The following FSTL4 variants were observed in gnomAD, a reference collection of about 807,000 sequenced individuals.
The protein encoded by FSTL4 is follistatin-related protein 4.
In FSTL4, 28 loss-of-function variants were observed where a neutral mutation model predicts 78.2. That is an observed-to-expected ratio of 0.36 (90% CI 0.27 to 0.49). FSTL4 has a LOEUF of 0.49. Among genes scored for constraint, FSTL4 ranks in the 20% least tolerant of loss-of-function variants. The pLI, the probability that FSTL4 is intolerant of heterozygous loss-of-function variation, is 0.98. For synonymous variants in FSTL4, 422 were observed against 440.5 expected (o/e 0.96, Z 0.53); for missense variants, 922 against 1,084.9 (o/e 0.85, Z 2.11).
chr5:133,287,011 C>T (rs1454076097), intron 6 of FSTL4, among the ~76,000 whole-genome samples: 1 of 152,208 alleles, frequency 6.6e-6, no homozygotes, highest in Non-Finnish European at 1.5e-5. Flanking sequence ...CCCTGCATTG[C>T]CTGGTTGCAT....
chr5:133,671,783 G>A, the FSTL4 span, among the ~76,000 whole-genome samples: 6 of 152,238 alleles, frequency 3.9e-5, no homozygotes, highest in Non-Finnish European at 8.8e-5. Flanking sequence ...GGAATGCTGA[G>A]AAAGGTAAAA....
the FSTL4 span, among the ~76,000 whole-genome samples, chr5:133,798,033 C>T: frequency 6.6e-6 from 1 of 152,192 alleles, no homozygotes; most frequent in Non-Finnish European, 1.5e-5. Flanking sequence ...CAGGCTCTTC[C>T]TTCACACAAG....
intron 3 of FSTL4, among the ~76,000 whole-genome samples, chr5:133,510,925 A>G (rs1317706971): frequency 4.6e-5 from 7 of 152,078 alleles, no homozygotes. Flanking sequence ...CTCGCTCAAA[A>G]AGGGTTTCTG....
chr5:133,729,296 G>T, the FSTL4 span, among the ~76,000 whole-genome samples: 1 of 151,930 alleles, frequency 6.6e-6, no homozygotes, highest in Non-Finnish European at 1.5e-5. Context: ...TAACTGAAGG[G>T]CTTTGGAGGC....
At chr5:133,492,451 T>C (rs1485596031) in intron 3 of FSTL4, among the ~76,000 whole-genome samples, 2 of 152,194 alleles carry the variant, frequency 1.3e-5, no homozygotes, top group Admixed American at 1.3e-4. Context: ...TAAATCTTTA[T>C]CAGAGAGTAT....
intron 6 of FSTL4, among the ~76,000 whole-genome samples, chr5:133,261,646 A>C (rs772613600): frequency 2.0e-5 from 3 of 152,044 alleles, no homozygotes; most frequent in Non-Finnish European, 2.9e-5. Flanking sequence ...CATTGAGGTC[A>C]GGAGTTTGAG....
At chr5:133,401,476 C>A (rs1756222673) in intron 3 of FSTL4, among the ~76,000 whole-genome samples, 1 of 152,190 alleles carries the variant, frequency 6.6e-6, no homozygotes, top group South Asian at 2.1e-4. Flanking sequence ...TCCCCTCCAC[C>A]CCCTGCCTGC....
intron 2 of FSTL4, among the ~76,000 whole-genome samples, chr5:133,573,388 G>A (rs1434869410): frequency 1.3e-5 from 2 of 152,168 alleles, no homozygotes; most frequent in African/African-American, 4.8e-5. Context: ...AAGGCTGAAT[G>A]TAAAGAATTT....
the FSTL4 span, among the ~76,000 whole-genome samples, chr5:133,677,156 G>T: frequency 5.3e-5 from 8 of 152,290 alleles, no homozygotes; most frequent in African/African-American, 1.9e-4. Context: ...CTGTTTAAAG[G>T]CTGAAATCCT....
At chr5:133,602,475 G>A (rs760346295) in intron 2 of FSTL4, among the ~76,000 whole-genome samples, 2 of 152,172 alleles carry the variant, frequency 1.3e-5, no homozygotes, top group Admixed American at 6.5e-5. Context: ...ACAGTGGGCC[G>A]ATGAGCCCCA....
chr5:133,725,664 G>C, the FSTL4 span, among the ~76,000 whole-genome samples: 1 of 152,166 alleles, frequency 6.6e-6, no homozygotes, highest in East Asian at 1.9e-4. Flanking sequence ...TGGATGAGGA[G>C]GTTTGAAAAG....
At chr5:133,311,858 G>A (rs923419905) in intron 6 of FSTL4, among the ~76,000 whole-genome samples, 2 of 152,140 alleles carry the variant, frequency 1.3e-5, no homozygotes, top group African/African-American at 4.8e-5. Flanking sequence ...AATGTAAGGG[G>A]CTTCATCTCT....
At chr5:133,663,365 T>C in the FSTL4 span, among the ~76,000 whole-genome samples, 3 of 152,368 alleles carry the variant, frequency 2.0e-5, no homozygotes, top group South Asian at 4.1e-4. Flanking sequence ...GGGAACTAAC[T>C]CTACATCCTG....
chr5:133,373,250 C>T (rs766563671), intron 4 of FSTL4, among the ~76,000 whole-genome samples: 4 of 152,352 alleles, frequency 2.6e-5, no homozygotes, highest in South Asian at 4.1e-4. Context: ...TTACGAAGAG[C>T]CCCCAGGGCT....
intron 13 of FSTL4, among the ~76,000 whole-genome samples, chr5:133,216,539 C>A (rs544814512): frequency 6.6e-6 from 1 of 152,110 alleles, no homozygotes; most frequent in Admixed American, 6.5e-5. Context: ...TTAGTAGAGA[C>A]GGGGTTTCAC....
At chr5:133,239,067 G>A (rs1751751363) in intron 7 of FSTL4, among the ~76,000 whole-genome samples, 1 of 152,220 alleles carries the variant, frequency 6.6e-6, no homozygotes, top group African/African-American at 2.4e-5. Flanking sequence ...GGGCTCGGCG[G>A]GCCCCGCACT....
chr5:133,815,692 A>AT, the FSTL4 span, among the ~76,000 whole-genome samples: 1 of 152,168 alleles, frequency 6.6e-6, no homozygotes, highest in Non-Finnish European at 1.5e-5. Context: ...TGGGAATCGT[A>AT]TTTTTAAATA....
At chr5:133,730,454 C>T in the FSTL4 span, among the ~76,000 whole-genome samples, 1 of 152,108 alleles carries the variant, frequency 6.6e-6, no homozygotes, top group Admixed American at 6.6e-5. Context: ...AGCACATTGC[C>T]CTCTGAGGCC....
At chr5:133,453,554 T>C (rs1215969695) in intron 3 of FSTL4, among the ~76,000 whole-genome samples, 2 of 152,188 alleles carry the variant, frequency 1.3e-5, no homozygotes, top group African/African-American at 2.4e-5. Flanking sequence ...AATATCTGCC[T>C]GAGCTTAGAC....
Sources: allele counts gnomAD v4.1 joint callset (sites outside exome capture counted in the v4.1 genomes callset), GRCh38; gene constraint gnomAD v4.1.1; transcripts MANE v1.5; gene names NCBI Gene and HGNC (gene_info 2026-07-23, HGNC 2026-07-21).